Variants in BMAL1 observed in about 807,000 individuals in gnomAD.
The protein encoded by BMAL1 is basic helix-loop-helix ARNT-like protein 1.
the BMAL1 span, among the ~76,000 whole-genome samples, chr11:13,304,339 T>C: frequency 6.6e-6 from 1 of 152,152 alleles, no homozygotes; most frequent in Admixed American, 6.5e-5. Flanking sequence ...CAGCAACTTT[T>C]GCTGTGGGAT....
chr11:13,290,735 T>G, the BMAL1 span, among the ~76,000 whole-genome samples: 1 of 152,246 alleles, frequency 6.6e-6, no homozygotes, highest in East Asian at 1.9e-4. Flanking sequence ...AGACTGAAAC[T>G]CAGACGAGCT....
At chr11:13,321,769 G>A in the BMAL1 span, among the ~76,000 whole-genome samples, 2 of 152,196 alleles carry the variant, frequency 1.3e-5, no homozygotes, top group African/African-American at 4.8e-5. Context: ...TTGTAAGCAG[G>A]TAGATTAGAT....
At chr11:13,323,529 A>G in the BMAL1 span, among the ~76,000 whole-genome samples, 5 of 152,036 alleles carry the variant, frequency 3.3e-5, no homozygotes, top group African/African-American at 1.2e-4. Flanking sequence ...CCAGGCCTAA[A>G]ATGTGGGCAT....
chr11:13,300,343 G>A, the BMAL1 span, among the ~76,000 whole-genome samples: 170 of 152,274 alleles, frequency 1.1e-3, no homozygotes, highest in African/African-American at 4.0e-3. Flanking sequence ...AATGGCAATG[G>A]CCCAAGATTT....
the BMAL1 span, among the ~76,000 whole-genome samples, chr11:13,372,741 G>A: frequency 6.6e-6 from 1 of 152,086 alleles, no homozygotes; most frequent in African/African-American, 2.4e-5. Flanking sequence ...GCCTCGGGAG[G>A]TCAAGGCTGC....
At chr11:13,376,610 C>T in the BMAL1 span, 8 of 1,610,436 alleles carry the variant, frequency 5.0e-6, no homozygotes, top group Non-Finnish European at 6.8e-6. Context: ...AGGCCTGACT[C>T]ACGTTTCCTT....
the BMAL1 span, among the ~76,000 whole-genome samples, chr11:13,357,742 C>T: frequency 2.0e-5 from 3 of 152,198 alleles, no homozygotes; most frequent in East Asian, 1.9e-4. The surrounding 1 kb of genome is among the most constrained non-coding windows in gnomAD (Gnocchi z 4.8). Context: ...TCTGTATCTG[C>T]GGCAGCTGCA....
the BMAL1 span, chr11:13,380,232 T>TTG: frequency 6.6e-6 from 1 of 152,212 alleles, no homozygotes; most frequent in Non-Finnish European, 1.5e-5. Context: ...TGATATGTAG[T>TTG]TGTAAACTGC....
the BMAL1 span, chr11:13,374,140 A>G: frequency 6.2e-7 from 1 of 1,614,004 alleles, no homozygotes; most frequent in Non-Finnish European, 8.5e-7. Flanking sequence ...TTCTAGGCAC[A>G]TCGTGTTATG....
the BMAL1 span, among the ~76,000 whole-genome samples, chr11:13,386,368 G>GTGT: frequency 6.6e-6 from 1 of 151,690 alleles, no homozygotes; most frequent in Non-Finnish European, 1.5e-5. Flanking sequence ...CCTTAGAGCT[G>GTGT]TCTCTTCACA....
the BMAL1 span, among the ~76,000 whole-genome samples, chr11:13,363,732 C>T: frequency 1.3e-5 from 2 of 152,192 alleles, no homozygotes; most frequent in South Asian, 2.1e-4. Flanking sequence ...CTAGGCAGAC[C>T]GTACCAAGGC....
At chr11:13,288,555 C>T in the BMAL1 span, among the ~76,000 whole-genome samples, 121 of 151,440 alleles carry the variant, frequency 8.0e-4, no homozygotes, top group African/African-American at 2.5e-3. Flanking sequence ...AGTGGCAAGT[C>T]GGAGTTTACC....
the BMAL1 span, chr11:13,357,030 A>C: frequency 6.2e-7 from 1 of 1,614,066 alleles, no homozygotes; most frequent in Non-Finnish European, 8.5e-7. This position sits in a 1 kb window ranked among gnomAD's most constrained non-coding sequence, Gnocchi z 4.8. Flanking sequence ...TTATGTTTTT[A>C]TCTTTTGCTT....
the BMAL1 span, among the ~76,000 whole-genome samples, chr11:13,284,188 ATATATG>A: frequency 0.019 from 1,290 of 68,234 alleles, 191 homozygotes; most frequent in African/African-American, 0.11. Flanking sequence ...GTGTATATAT[ATATATG>A]TGTGTATATA....
chr11:13,332,839 G>A, the BMAL1 span, among the ~76,000 whole-genome samples: 2 of 152,092 alleles, frequency 1.3e-5, no homozygotes, highest in South Asian at 2.1e-4. Context: ...GAGGAGTCTG[G>A]GAAGTAGCCT....
chr11:13,349,437 A>G, the BMAL1 span, among the ~76,000 whole-genome samples: 1 of 152,210 alleles, frequency 6.6e-6, no homozygotes, highest in Admixed American at 6.5e-5. Flanking sequence ...GACTTTGGCT[A>G]GTTTCTCCAC....
the BMAL1 span, chr11:13,369,674 G>A: frequency 6.2e-7 from 1 of 1,614,152 alleles, no homozygotes; most frequent in Non-Finnish European, 8.5e-7. Flanking sequence ...ATGTTCTGGA[G>A]CACGACGTTC....
At chr11:13,329,508 G>T in the BMAL1 span, among the ~76,000 whole-genome samples, 346 of 152,288 alleles carry the variant, frequency 2.3e-3, 1 homozygote, top group Non-Finnish European at 3.8e-3. Context: ...AAACCTCATG[G>T]TGGGAGGTGG....
the BMAL1 span, among the ~76,000 whole-genome samples, chr11:13,331,753 T>C: frequency 5.9e-5 from 9 of 152,194 alleles, no homozygotes; most frequent in African/African-American, 1.9e-4. Flanking sequence ...AACCTCTATC[T>C]CTTTCTTGCC....
Sources: gnomAD v4.1 joint callset for allele counts (sites outside exome capture counted in the v4.1 genomes callset) on GRCh38, gnomAD v4.1.1 for gene constraint, Gnocchi (gnomAD v3.1) non-coding constraint, MANE v1.5 for transcripts, NCBI Gene and HGNC (gene_info 2026-07-23, HGNC 2026-07-21) for gene names.